The following RAPH1 variants were observed in gnomAD, a reference collection of about 807,000 sequenced individuals.
RAPH1 encodes Ras association (RalGDS/AF-6) and pleckstrin homology domains 1.
RAPH1 carries 18 observed loss-of-function variants against 88.1 expected under a neutral mutation model. The ratio of observed to expected loss-of-function variants is 0.20; its 90% CI spans 0.14 to 0.30. The LOEUF (loss-of-function observed/expected upper bound fraction) is 0.30. RAPH1 is among the 10% of genes least tolerant of loss of function. RAPH1 has a pLI of 1.00. For missense variants in RAPH1, 1,448 were observed against 1,543.2 expected, an observed-to-expected ratio of 0.94 and a Z score of 1.03; for synonymous variants, 587 against 559.0, an observed-to-expected ratio of 1.05 and a Z score of -0.71.
chr2:203,503,806 G>A (rs555344980), intron 1 of RAPH1, among the ~76,000 whole-genome samples: 1 of 152,192 alleles, frequency 6.6e-6, no homozygotes, highest in Non-Finnish European at 1.5e-5. Context: ...TGGGGGTACA[G>A]GTATTGGGTA....
chr2:203,500,316 G>A (rs1353276121), intron 1 of RAPH1, among the ~76,000 whole-genome samples: 2 of 152,112 alleles, frequency 1.3e-5, no homozygotes. Flanking sequence ...TTTAGGCAGA[G>A]GAACCAACAT....
intron 1 of RAPH1, among the ~76,000 whole-genome samples, chr2:203,516,990 C>T (rs1053308190): frequency 9.3e-5 from 14 of 151,216 alleles, no homozygotes; most frequent in African/African-American, 3.2e-4. Flanking sequence ...GCCGACATCG[C>T]GTCACTGCAC....
At chr2:203,525,968 A>T (rs1690096514) in intron 1 of RAPH1, among the ~76,000 whole-genome samples, 2 of 152,148 alleles carry the variant, frequency 1.3e-5, no homozygotes, top group African/African-American at 2.4e-5. Context: ...GGTAATGGAA[A>T]ATGTTGTATA....
intron 4 of RAPH1, 117 bp downstream of exon 4, chr2:203,489,467 G>T (rs1688142947): frequency 2.7e-6 from 2 of 743,420 alleles, no homozygotes; most frequent in Non-Finnish European, 3.9e-6. Context: ...TATCTCAGAA[G>T]TATCTTTGAC....
chr2:203,455,516 T>A lies in RAPH1; in HGVS notation c.1223A>T (p.Asp408Val), dbSNP rs746383818. 1.2e-6 allele frequency: 2 copies of A among 1,613,870 alleles called. No individual in the cohort carries two copies. Among genetic ancestry groups the A allele is most frequent in the Non-Finnish European group, 1.7e-6 (2 of 1,179,754 alleles). Residue 408 changes from aspartate to valine, a missense_variant, in exon 9 of 14, where the codon GAT becomes GTT. Transcript: ENST00000319170. ...ACGCTTTTTCCAGGACTTCTTGCCA[T>A]CATCCTTCAACCAAAGGACTCCTTC... is the stretch of plus-strand genomic sequence containing the variant. ...EIEGVLWLKD[D>V]GKKSWKKRYF...
At chr2:203,524,218 T>C (rs2105979604) in intron 1 of RAPH1, among the ~76,000 whole-genome samples, 1 of 152,162 alleles carries the variant, frequency 6.6e-6, no homozygotes, top group South Asian at 2.1e-4. Context: ...CAGCGAAAGG[T>C]GAATTAAAGC....
At position 203,490,107 on chromosome 2, in the gene RAPH1, TA is replaced by T. The variant is rs1232473887; in HGVS notation, c.227-19del. ...CAGAGCTTCTGCAATGAACAACACA[TA>T]ATGTTTCCAGAATTTATACATTCTA... On this transcript the variant is annotated intron_variant, in intron 3 of 13. Coordinates refer to ENST00000319170, the MANE Select transcript of RAPH1 (RefSeq NM_213589.3). The T allele has an allele frequency of 6.4e-7, 1 of 1,561,136 alleles. No individual in the cohort carries two copies. The highest frequency in any genetic ancestry group is 8.7e-7 in the Non-Finnish European group (1 of 1,155,996).
chr2:203,510,335 C>CAAAA lies in RAPH1; in HGVS notation c.1-14986_1-14983dup, dbSNP rs33911103. On this transcript the variant is annotated intron_variant, in intron 1 of 13. Transcript: ENST00000319170. ...TGGGTGATAGAGCAAAACTCCATCT[C>CAAAA]AAAAAAAAAAAAAAAAAAAAAAAAA... Among the ~76,000 whole-genome samples the CAAAA allele has an allele frequency of 1.3e-3, 50 of 38,076 alleles. 1 individual carries two copies. The highest frequency in any genetic ancestry group is 3.9e-3 in the African/African-American group (34 of 8,770). The allele number at this position is 38,076 out of a possible 152,430, so 25.0% of individuals were successfully genotyped here.
intron 1 of RAPH1, among the ~76,000 whole-genome samples, chr2:203,496,515 C>G (rs993115850): frequency 6.6e-6 from 1 of 152,140 alleles, no homozygotes; most frequent in Non-Finnish European, 1.5e-5. Flanking sequence ...GGAAAATCTT[C>G]AAATAAACAC....
chr2:203,513,532 CAAAAAAAA>C (rs34083519), intron 1 of RAPH1, among the ~76,000 whole-genome samples: 5 of 41,940 alleles, frequency 1.2e-4, no homozygotes, highest in South Asian at 1.0e-3. Flanking sequence ...GACTCTATTT[CAAAAAAAA>C]AAAAAAAAAA....
chr2:203,487,565 A>G (rs1326416866), intron 4 of RAPH1, among the ~76,000 whole-genome samples: 1 of 151,922 alleles, frequency 6.6e-6, no homozygotes, highest in Non-Finnish European at 1.5e-5. Flanking sequence ...TTGTATTTTT[A>G]GTAGAGACAG....
chr2:203,443,783 C>T (rs1305309787), intron 13 of RAPH1: 1 of 151,952 alleles, frequency 6.6e-6, no homozygotes, highest in Admixed American at 6.6e-5. Context: ...AGTTCGAGAC[C>T]AGCCCAGGCA....
chr2:203,457,948 C>G (rs571838113), intron 7 of RAPH1, among the ~76,000 whole-genome samples: 2 of 152,270 alleles, frequency 1.3e-5, no homozygotes, highest in African/African-American at 4.8e-5. Context: ...ATAAGTACAA[C>G]AAGTAAGGCA....
At chr2:203,470,224 T>A in intron 4 of RAPH1, 1 of 1,580,254 alleles carries the variant, frequency 6.3e-7, no homozygotes, top group East Asian at 2.2e-5. Context: ...TACATGCATG[T>A]GGAAGAAGTA....
chr2:203,454,422 G>A lies in RAPH1; in HGVS notation c.1413+8C>T, dbSNP rs1371007106. ...AATTAAAATTCCTAAAAAGAAATAT[G>A]TGTTTACCTTCAGCACCAGACAATA... On this transcript the variant is annotated splice_region_variant and intron_variant, in intron 10 of 13. Transcript: ENST00000319170. 6.4e-7 allele frequency: 1 copy of A among 1,573,758 alleles called. No individual in the cohort carries two copies. The highest frequency in any genetic ancestry group is 8.7e-7 in the Non-Finnish European group (1 of 1,147,234).
chr2:203,477,126 G>T (rs1687493020), intron 4 of RAPH1: 1 of 1,613,770 alleles, frequency 6.2e-7, no homozygotes, highest in African/African-American at 1.3e-5. Flanking sequence ...CGCTTGGCCT[G>T]CTTGCTGGAA....
intron 4 of RAPH1, among the ~76,000 whole-genome samples, chr2:203,468,883 C>G (rs1247204279): frequency 1.3e-5 from 2 of 152,086 alleles, no homozygotes; most frequent in African/African-American, 4.8e-5. Context: ...CAGATTAACA[C>G]AAGCTTCATT....
intron 1 of RAPH1, among the ~76,000 whole-genome samples, chr2:203,506,865 T>TATAG (rs1689092704): frequency 2.2e-5 from 2 of 90,156 alleles, no homozygotes; most frequent in Non-Finnish European, 4.2e-5. Context: ...TCTATATATA[T>TATAG]ATATATATAT....
intron 1 of RAPH1, among the ~76,000 whole-genome samples, chr2:203,528,538 T>C (rs372106862): frequency 1.9e-4 from 29 of 152,198 alleles, no homozygotes; most frequent in African/African-American, 7.0e-4. Context: ...TTCTTCTTTT[T>C]GGATATATGT....
Sources: allele counts gnomAD v4.1 joint callset (sites outside exome capture counted in the v4.1 genomes callset), GRCh38; gene constraint gnomAD v4.1.1; transcripts MANE v1.5; gene names NCBI Gene and HGNC (gene_info 2026-07-23, HGNC 2026-07-21).